OSTF1: variants seen among roughly 807,000 people sequenced by gnomAD.
OSTF1 encodes osteoclast stimulating factor 1.
A neutral mutation model predicts 37.2 loss-of-function variants in OSTF1; 27 were observed. That is an observed-to-expected ratio of 0.73 (90% CI 0.54 to 1.00). The LOEUF (loss-of-function observed/expected upper bound fraction) is 1.00, where lower values mean the gene tolerates loss of function less well. Ranked by LOEUF, OSTF1 falls within the 50% of genes least tolerant of loss-of-function variation. The pLI is 0.00. For missense variants in OSTF1, 232 were observed against 253.8 expected, an observed-to-expected ratio of 0.91 and a Z score of 0.58; for synonymous variants, 82 against 89.2, an observed-to-expected ratio of 0.92 and a Z score of 0.46.
At chr9:75,107,428 AT>A (rs1429797447) in intron 1 of OSTF1, among the ~76,000 whole-genome samples, 2 of 152,096 alleles carry the variant, frequency 1.3e-5, no homozygotes, top group Non-Finnish European at 2.9e-5. Context: ...ATAAAGTATT[AT>A]TTTCCATGAT....
intron 1 of OSTF1, among the ~76,000 whole-genome samples, chr9:75,099,199 A>C (rs1438538840): frequency 6.6e-6 from 1 of 151,900 alleles, no homozygotes; most frequent in Non-Finnish European, 1.5e-5. Context: ...CGGCCTCCCA[A>C]AGTGCTGGGA....
chr9:75,125,504 A>G (rs576294946), intron 2 of OSTF1, among the ~76,000 whole-genome samples: 1 of 152,312 alleles, frequency 6.6e-6, no homozygotes, highest in South Asian at 2.1e-4. Flanking sequence ...TAATATCAAA[A>G]TGTGTATTAC....
At chr9:75,138,225 C>T (rs1825873844) in intron 8 of OSTF1, among the ~76,000 whole-genome samples, 1 of 152,150 alleles carries the variant, frequency 6.6e-6, no homozygotes, top group Admixed American at 6.5e-5. Flanking sequence ...GTCCAGAAGC[C>T]TATCATGTAG....
intron 4 of OSTF1, 114 bp from the exon 5 acceptor site, chr9:75,131,656 G>A: frequency 1.3e-6 from 1 of 744,262 alleles, no homozygotes; most frequent in South Asian, 1.5e-5. Context: ...AAAGGAAACT[G>A]TGTTGAATGC....
rs370370875 is a variant in OSTF1 at position 75,137,534 on chromosome 9, A to G, written c.409-4A>G. The G allele has an allele frequency of 6.4e-5, 102 of 1,592,096 alleles. No homozygotes were observed. The African/African-American group carries it at 1.0e-3, about 16-fold the overall frequency. ...AATGGTACTTTCTCTTTTTATCACT[A>G]TAGAACAAGTTGGGAGATACAGCTT... is the stretch of plus-strand genomic sequence containing the variant. On this transcript the variant is annotated splice_region_variant and splice_polypyrimidine_tract_variant and intron_variant, in intron 7 of 9. Coordinates refer to ENST00000346234, the MANE Select transcript of OSTF1 (RefSeq NM_012383.5).
At chr9:75,118,034 A>G (rs1445882398) in intron 2 of OSTF1, among the ~76,000 whole-genome samples, 1 of 152,190 alleles carries the variant, frequency 6.6e-6, no homozygotes, top group Non-Finnish European at 1.5e-5. Flanking sequence ...TATATGCCAG[A>G]CACTGGTCCA....
At chr9:75,095,110 T>C (rs151029586) in intron 1 of OSTF1, among the ~76,000 whole-genome samples, 3 of 152,330 alleles carry the variant, frequency 2.0e-5, no homozygotes, top group African/African-American at 7.2e-5. Flanking sequence ...CATAGTATTC[T>C]GCTGAGCTCA....
intron 1 of OSTF1, among the ~76,000 whole-genome samples, chr9:75,112,502 CAATA>C (rs1174967734): frequency 6.6e-6 from 1 of 152,016 alleles, no homozygotes; most frequent in Non-Finnish European, 1.5e-5. Context: ...CAACATTAAG[CAATA>C]AATAAGGTTG....
chr9:75,096,430 C>T (rs1307972971), intron 1 of OSTF1, among the ~76,000 whole-genome samples: 1 of 152,144 alleles, frequency 6.6e-6, no homozygotes, highest in East Asian at 1.9e-4. Context: ...TAATGTGGAT[C>T]TTTTCTGCTG....
At chr9:75,133,464 C>A in intron 6 of OSTF1, 63 bp downstream of exon 6, 1 of 959,874 alleles carries the variant, frequency 1.0e-6, no homozygotes, top group South Asian at 1.4e-5. Context: ...CTACGGGAGC[C>A]AGATTTACAA....
intron 1 of OSTF1, among the ~76,000 whole-genome samples, chr9:75,099,058 T>C (rs1282704890): frequency 6.6e-6 from 1 of 152,094 alleles, no homozygotes; most frequent in Admixed American, 6.5e-5. Context: ...TGCCTCAGCC[T>C]CCCGAGTAGC....
In OSTF1 at chr9:75,134,873, G is replaced by A. The variant is rs886145153; in HGVS notation, c.408+478G>A. Among the ~76,000 whole-genome samples, 6 of 151,206 alleles carry A rather than the reference G, an allele frequency of 4.0e-5. No homozygotes were observed. The South Asian group carries it at 1.2e-3, about 31-fold the overall frequency. On this transcript the variant is annotated intron_variant, in intron 7 of 9. Coordinates refer to ENST00000346234, the MANE Select transcript of OSTF1 (RefSeq NM_012383.5). ...TTCACTGCTTATATAACCTTTTTTT[G>A]TTTCTGTACTTACTTTTTAAAACTC... is the stretch of plus-strand genomic sequence containing the variant.
intron 4 of OSTF1, among the ~76,000 whole-genome samples, chr9:75,131,058 T>G (rs961110109): frequency 6.6e-6 from 1 of 152,338 alleles, no homozygotes; most frequent in African/African-American, 2.4e-5. Context: ...GTTTGGAGAC[T>G]TTGAGAGATG....
At chr9:75,137,782 T>C (rs1825867034) in intron 8 of OSTF1, among the ~76,000 whole-genome samples, 166 bp downstream of exon 8, 1 of 152,224 alleles carries the variant, frequency 6.6e-6, no homozygotes, top group Admixed American at 6.5e-5. Flanking sequence ...AATAAAATTA[T>C]TGGGGGTTGG....
At chr9:75,130,491 A>G (rs1044584264) in intron 3 of OSTF1, 87 bp from the exon 4 acceptor site, 4 of 872,188 alleles carry the variant, frequency 4.6e-6, no homozygotes, top group Non-Finnish European at 7.8e-6. Flanking sequence ...TTTGTAGAAC[A>G]GGTACTCCCT....
intron 8 of OSTF1, among the ~76,000 whole-genome samples, chr9:75,139,761 A>C (rs1418062719): frequency 2.0e-5 from 3 of 152,222 alleles, no homozygotes; most frequent in Non-Finnish European, 4.4e-5. Flanking sequence ...ATCAGAGATG[A>C]AAAAGGAGGT....
chr9:75,105,236 GC>G (rs1825263467), intron 1 of OSTF1, among the ~76,000 whole-genome samples: 1 of 152,138 alleles, frequency 6.6e-6, no homozygotes, highest in South Asian at 2.1e-4. Context: ...TCATGCTGTG[GC>G]CCAGTGCTCT....
chr9:75,116,071 T>G (rs958810874), intron 1 of OSTF1, among the ~76,000 whole-genome samples: 1 of 152,068 alleles, frequency 6.6e-6, no homozygotes, highest in African/African-American at 2.4e-5. Flanking sequence ...GCCACTGCAC[T>G]CCAGCCTGGG....
In OSTF1 at chr9:75,141,578, A is replaced by G. The variant is rs73652708; in HGVS notation, c.586+646A>G. Among the ~76,000 whole-genome samples, 114 of 152,260 alleles carry G rather than the reference A, an allele frequency of 7.5e-4. 1 individual carries two copies. Among genetic ancestry groups the G allele is most frequent in the African/African-American group, 2.4e-3 (101 of 41,562 alleles). ...TTTAAATATGTATTTATGAGTGATT[A>G]CCACTAAATATTTTTAAAAATAACA... is the stretch of plus-strand genomic sequence containing the variant. On this transcript the variant is annotated intron_variant, in intron 9 of 9. Coordinates refer to ENST00000346234, the MANE Select transcript of OSTF1 (RefSeq NM_012383.5).
Sources: allele counts gnomAD v4.1 joint callset (sites outside exome capture counted in the v4.1 genomes callset), GRCh38; gene constraint gnomAD v4.1.1; transcripts MANE v1.5; gene names NCBI Gene and HGNC (gene_info 2026-07-23, HGNC 2026-07-21).